The following CTNNA3 variants were observed in gnomAD, a reference collection of about 807,000 sequenced individuals.
CTNNA3 encodes the protein catenin alpha 3.
In CTNNA3, 76 loss-of-function variants were observed where a neutral mutation model predicts 95.7. The ratio of observed to expected loss-of-function variants is 0.79; its 90% CI spans 0.66 to 0.96. CTNNA3 has a LOEUF of 0.96. Ranked by LOEUF, CTNNA3 falls within the 40% of genes least tolerant of loss-of-function variation. CTNNA3 has a pLI of 0.00. For missense variants in CTNNA3, 1,191 were observed against 1,089.8 expected (o/e 1.09, Z -1.31); for synonymous variants, 431 against 374.4 (o/e 1.15, Z -1.74).
upstream of CTNNA3, among the ~76,000 whole-genome samples, chr10:67,699,639 G>A (rs1263170407): frequency 6.6e-6 from 1 of 152,216 alleles, no homozygotes; most frequent in Non-Finnish European, 1.5e-5. Flanking sequence ...AAGAGAAGGT[G>A]GAGCCAAGAT....
At chr10:66,698,649 C>A (rs1233283188) in intron 9 of CTNNA3, among the ~76,000 whole-genome samples, 2 of 152,116 alleles carry the variant, frequency 1.3e-5, no homozygotes, top group East Asian at 3.9e-4. Flanking sequence ...ACGTAAGATG[C>A]AAAATCTTAT....
At chr10:67,659,110 TA>T (rs967509235) in intron 1 of CTNNA3, among the ~76,000 whole-genome samples, 2,846 of 146,110 alleles carry the variant, frequency 0.019, 94 homozygotes, top group African/African-American at 0.067. Flanking sequence ...GCAAAAAAGG[TA>T]AAAAAAAAAA....
chr10:66,952,388 A>G (rs776783583), intron 7 of CTNNA3, among the ~76,000 whole-genome samples: 13 of 152,230 alleles, frequency 8.5e-5, no homozygotes, highest in Non-Finnish European at 1.8e-4. Context: ...TTCAGAGACA[A>G]AAGACATAAG....
At chr10:66,590,471 T>C (rs1372597176) in intron 10 of CTNNA3, among the ~76,000 whole-genome samples, 2 of 152,072 alleles carry the variant, frequency 1.3e-5, no homozygotes, top group African/African-American at 2.4e-5. Context: ...TTTATCAAAG[T>C]GTATAATTAA....
intron 1 of CTNNA3, among the ~76,000 whole-genome samples, chr10:67,731,491 AC>A (rs1339190234): frequency 6.6e-6 from 1 of 151,436 alleles, no homozygotes; most frequent in African/African-American, 2.4e-5. Flanking sequence ...CAAAAACAAA[AC>A]AAAAAAGTCT....
chr10:66,937,723 A>G (rs1178523992), intron 7 of CTNNA3, among the ~76,000 whole-genome samples: 2 of 152,036 alleles, frequency 1.3e-5, no homozygotes, highest in Admixed American at 1.3e-4. Context: ...CAGGTTCTCA[A>G]AGTAGCCCAT....
rs143430306 is a variant in CTNNA3 at position 66,519,668 on chromosome 10, C to A, written c.1531+949G>T. 2.6e-3 allele frequency among the ~76,000 whole-genome samples: 403 copies of A among 152,260 alleles called. 4 individuals are homozygous for A. Among genetic ancestry groups the A allele is most frequent in the Admixed American group, 6.3e-3 (97 of 15,288 alleles). On this transcript the variant is annotated intron_variant, in intron 11 of 17. Transcript: ENST00000433211. ...CCCCTTCCCATTTCTACTTGTCCCACTTTTGCTTCAATTTGTTCCACATTT... is the reference window on the plus strand; with the variant it reads ...CCCCTTCCCATTTCTACTTGTCCCAATTTTGCTTCAATTTGTTCCACATTT...
chr10:67,185,820 G>A (rs1468408723), intron 6 of CTNNA3, among the ~76,000 whole-genome samples: 1 of 151,994 alleles, frequency 6.6e-6, no homozygotes, highest in Non-Finnish European at 1.5e-5. Flanking sequence ...AGGAGTTCAA[G>A]ACCAGCCTGG....
At chr10:66,907,263 TG>T (rs1846028315) in intron 7 of CTNNA3, among the ~76,000 whole-genome samples, 1 of 152,154 alleles carries the variant, frequency 6.6e-6, no homozygotes, top group Admixed American at 6.5e-5. Context: ...TTCACTAATT[TG>T]TAAGTCTTTT....
At chr10:66,646,802 T>C (rs896359097) in intron 9 of CTNNA3, among the ~76,000 whole-genome samples, 8 of 152,152 alleles carry the variant, frequency 5.3e-5, no homozygotes, top group Non-Finnish European at 1.0e-4. Context: ...CTTCTAATCC[T>C]GTGCTAACCA....
At chr10:67,089,116 G>A (rs573504113) in intron 7 of CTNNA3, among the ~76,000 whole-genome samples, 1 of 151,822 alleles carries the variant, frequency 6.6e-6, no homozygotes, top group African/African-American at 2.4e-5. Context: ...AAACCTAAGG[G>A]ACCCCCCATA....
chr10:66,426,274 A>G (rs4333909), intron 11 of CTNNA3, among the ~76,000 whole-genome samples: 57,922 of 151,736 alleles, frequency 0.38, 11,597 homozygotes, highest in African/African-American at 0.5. Flanking sequence ...TAGGGTACTC[A>G]GTTATTGTTT....
At chr10:67,075,382 G>A (rs1002994659) in intron 7 of CTNNA3, among the ~76,000 whole-genome samples, 4 of 152,170 alleles carry the variant, frequency 2.6e-5, no homozygotes, top group African/African-American at 9.7e-5. Flanking sequence ...CCCTGAGAGA[G>A]ATGCCAGTTT....
intron 7 of CTNNA3, among the ~76,000 whole-genome samples, chr10:66,899,476 C>A (rs939403336): frequency 3.3e-5 from 5 of 151,842 alleles, no homozygotes; most frequent in African/African-American, 4.9e-5. Context: ...ACTGAGGTAC[C>A]TAGTTCATCT....
intron 10 of CTNNA3, among the ~76,000 whole-genome samples, chr10:66,588,101 G>A (rs905740257): frequency 6.6e-6 from 1 of 152,060 alleles, no homozygotes. Flanking sequence ...GTGTGAAAGT[G>A]CAGGCAATGT....
intron 7 of CTNNA3, among the ~76,000 whole-genome samples, chr10:67,020,227 C>T (rs1852919193): frequency 6.6e-6 from 1 of 152,126 alleles, no homozygotes; most frequent in Admixed American, 6.5e-5. Context: ...AAATATCATC[C>T]TAACAAATGA....
intron 15 of CTNNA3, among the ~76,000 whole-genome samples, chr10:66,060,936 G>T (rs2080183815): frequency 6.6e-6 from 1 of 152,022 alleles, no homozygotes; most frequent in African/African-American, 2.4e-5. Flanking sequence ...GAAGAAATTT[G>T]AAAGATGTTT....
At chr10:67,401,995 G>C (rs1844940857) in intron 5 of CTNNA3, among the ~76,000 whole-genome samples, 1 of 152,166 alleles carries the variant, frequency 6.6e-6, no homozygotes, top group Non-Finnish European at 1.5e-5. Context: ...AGATGAGAAA[G>C]AATCAGCATA....
chr10:67,247,017 T>C (rs1460311928), intron 5 of CTNNA3, among the ~76,000 whole-genome samples: 1 of 152,134 alleles, frequency 6.6e-6, no homozygotes, highest in Non-Finnish European at 1.5e-5. Context: ...AAAAAATACA[T>C]AAATAAATCT....
Sources: allele counts gnomAD v4.1 joint callset (sites outside exome capture counted in the v4.1 genomes callset), GRCh38; gene constraint gnomAD v4.1.1; transcripts MANE v1.5; gene names NCBI Gene and HGNC (gene_info 2026-07-23, HGNC 2026-07-21).